The following TRHDE variants were observed in gnomAD, a reference collection of about 807,000 sequenced individuals.
TRHDE encodes the protein thyrotropin releasing hormone degrading enzyme, also known as thyrotropin-releasing hormone-degrading ectoenzyme.
In TRHDE, 72 loss-of-function variants were observed where a neutral mutation model predicts 125.7. That is an observed-to-expected ratio of 0.57 (90% CI 0.47 to 0.70). The LOEUF is 0.70. Ranked by LOEUF, TRHDE falls within the 30% of genes least tolerant of loss-of-function variation. The pLI, the probability that TRHDE is intolerant of heterozygous loss-of-function variation, is 0.00. For missense variants in TRHDE, 1,110 were observed against 1,327.1 expected (o/e 0.84, Z 2.54); for synonymous variants, 509 against 509.1 (o/e 1.00, Z 0.00).
At chr12:72,238,323 C>CACATACATATATATATATATATAT (rs1283824788) in intron 2 of TRHDE, among the ~76,000 whole-genome samples, 1 of 13,668 alleles carries the variant, frequency 7.3e-5, no homozygotes, top group African/African-American at 1.9e-4. Context: ...TATATATATA[C>CACATACATATATATATATATATAT]ATATATATAT....
intron 5 of TRHDE, among the ~76,000 whole-genome samples, chr12:72,490,943 C>A (rs900475956): frequency 2.0e-5 from 3 of 146,848 alleles, no homozygotes; most frequent in African/African-American, 5.0e-5. Flanking sequence ...TGTACTGTGT[C>A]TGTGATTCAT....
At chr12:72,409,260 T>G (rs543118298) in intron 3 of TRHDE, among the ~76,000 whole-genome samples, 1 of 152,316 alleles carries the variant, frequency 6.6e-6, no homozygotes, top group South Asian at 2.1e-4. Context: ...GGAAAAATGC[T>G]AAGGGAATTG....
At chr12:72,314,262 TTTC>T (rs1417193707) in intron 2 of TRHDE, among the ~76,000 whole-genome samples, 3 of 134,064 alleles carry the variant, frequency 2.2e-5, no homozygotes, top group African/African-American at 8.9e-5. Flanking sequence ...TTTCTTTTTT[TTTC>T]CTCTCTCTTT....
At chr12:72,455,767 C>G (rs1875813031) in intron 3 of TRHDE, among the ~76,000 whole-genome samples, 1 of 151,962 alleles carries the variant, frequency 6.6e-6, no homozygotes, top group African/African-American at 2.4e-5. Flanking sequence ...GGAGACTTTA[C>G]AAATGATTTT....
chr12:72,505,849 C>T (rs918876716), intron 6 of TRHDE, among the ~76,000 whole-genome samples: 10 of 152,182 alleles, frequency 6.6e-5, no homozygotes, highest in Non-Finnish European at 8.8e-5. Context: ...AAAGGCCAAT[C>T]ATCCATTTGT....
intron 15 of TRHDE, among the ~76,000 whole-genome samples, chr12:72,630,466 C>T (rs1873447377): frequency 6.6e-6 from 1 of 151,732 alleles, no homozygotes; most frequent in African/African-American, 2.4e-5. Flanking sequence ...TGAACTTCTG[C>T]TCTCAGACCA....
At position 72,200,288 on chromosome 12, in the gene TRHDE, A is replaced by G. The variant is rs917662473; in HGVS notation, n.279+94536A>G. ...TTGTGGATTTGTGGATGTATTGAGG[A>G]GAGGGAAGGTGAGATAGAAAAGATA... On this transcript the variant is annotated intron_variant and non_coding_transcript_variant, in intron 2 of 4. Transcript: ENST00000548156. Among the ~76,000 whole-genome samples, 164 of 152,152 alleles carry G rather than the reference A, an allele frequency of 1.1e-3. 1 individual carries two copies. Among genetic ancestry groups the G allele is most frequent in the African/African-American group, 3.8e-3 (157 of 41,436 alleles).
rs1463751379 is a variant in TRHDE, at chr12:72,635,775, C to T, written c.2675+14024C>T. On this transcript the variant is annotated intron_variant, in intron 15 of 18. Coordinates refer to ENST00000261180, the MANE Select transcript of TRHDE (RefSeq NM_013381.3). ...TAAATAGGGAATCCTTTCCCCATTGCTTGTTTTTCTCAGGTTTGTCAAAGA... is the reference window on the plus strand; with the variant it reads ...TAAATAGGGAATCCTTTCCCCATTGTTTGTTTTTCTCAGGTTTGTCAAAGA... 1.3e-3 allele frequency among the ~76,000 whole-genome samples: 196 copies of T among 152,144 alleles called. 1 individual carries two copies. The highest frequency in any genetic ancestry group is 6.8e-3 in the Middle Eastern group (2 of 294).
chr12:72,122,371 T>G (rs1335687107), intron 2 of TRHDE, among the ~76,000 whole-genome samples: 2 of 152,208 alleles, frequency 1.3e-5, no homozygotes, highest in Non-Finnish European at 2.9e-5. Context: ...ATTGATTAGT[T>G]GTGACATTAA....
At chr12:72,419,205 T>G (rs1007862138) in intron 3 of TRHDE, among the ~76,000 whole-genome samples, 1 of 152,128 alleles carries the variant, frequency 6.6e-6, no homozygotes, top group African/African-American at 2.4e-5. Context: ...TCTGATAGTA[T>G]AATTGGTGTT....
chr12:72,269,451 G>T (rs1025274305), upstream of TRHDE, among the ~76,000 whole-genome samples: 1 of 152,146 alleles, frequency 6.6e-6, no homozygotes, highest in African/African-American at 2.4e-5. Flanking sequence ...AGTTAGTAGA[G>T]ACTTTATTAA....
At chr12:72,621,871 C>A in intron 15 of TRHDE, 120 bp downstream of exon 15, 3 of 720,044 alleles carry the variant, frequency 4.2e-6, no homozygotes, top group Non-Finnish European at 6.7e-6. Flanking sequence ...AAGCATGCAG[C>A]AACATTTTGT....
intron 3 of TRHDE, among the ~76,000 whole-genome samples, chr12:72,409,915 C>A (rs1411556683): frequency 6.6e-6 from 1 of 151,962 alleles, no homozygotes; most frequent in Non-Finnish European, 1.5e-5. Context: ...AAGGTCCTTG[C>A]ATTATCCAGG....
intron 6 of TRHDE, among the ~76,000 whole-genome samples, chr12:72,509,698 G>A (rs183101491): frequency 2.6e-5 from 4 of 152,130 alleles, no homozygotes. Context: ...TATATTGTTT[G>A]ACTTTCCACT....
At chr12:72,657,603 CTT>C (rs1168465312) in intron 18 of TRHDE, among the ~76,000 whole-genome samples, 1 of 152,092 alleles carries the variant, frequency 6.6e-6, no homozygotes, top group South Asian at 2.1e-4. Context: ...TGAAAATAAA[CTT>C]GATTTTTAAG....
At chr12:72,329,845 A>T (rs560438243) in intron 2 of TRHDE, among the ~76,000 whole-genome samples, 70 of 152,310 alleles carry the variant, frequency 4.6e-4, no homozygotes, top group South Asian at 1.0e-3. Flanking sequence ...GGAATCCCTT[A>T]TCCTGGATTC....
intron 2 of TRHDE, among the ~76,000 whole-genome samples, chr12:72,188,545 A>C (rs774797620): frequency 3.3e-5 from 5 of 152,196 alleles, no homozygotes; most frequent in Non-Finnish European, 7.4e-5. Context: ...GGCTACATTA[A>C]TGGGAGAGAG....
chr12:72,095,684 C>A (rs1406200338), intron 1 of TRHDE, among the ~76,000 whole-genome samples: 1 of 152,234 alleles, frequency 6.6e-6, no homozygotes, highest in East Asian at 1.9e-4. Context: ...TCCTGTAGAT[C>A]TGGATTTTGT....
At chr12:72,630,268 C>T (rs1873437665) in intron 15 of TRHDE, among the ~76,000 whole-genome samples, 1 of 151,594 alleles carries the variant, frequency 6.6e-6, no homozygotes. Flanking sequence ...TGAGATCATC[C>T]TAGATTTAGC....
Sources: gnomAD v4.1 joint callset for allele counts (sites outside exome capture counted in the v4.1 genomes callset) on GRCh38, gnomAD v4.1.1 for gene constraint, MANE v1.5 for transcripts, NCBI Gene and HGNC (gene_info 2026-07-23, HGNC 2026-07-21) for gene names.